Variants in ZNF112 observed in about 807,000 individuals in gnomAD.
The protein encoded by ZNF112 is zinc finger protein 112 (Y14).
A neutral mutation model predicts 77.7 loss-of-function variants in ZNF112; 37 were observed. The observed-to-expected ratio is 0.48, with a 90% confidence interval of 0.37 to 0.63. The LOEUF is 0.63. ZNF112 is among the 20% of genes least tolerant of loss of function. The pLI is 0.00. For synonymous variants in ZNF112, 333 were observed against 363.6 expected, an observed-to-expected ratio of 0.92 and a Z score of 0.96; for missense variants, 950 against 1,077.4, an observed-to-expected ratio of 0.88 and a Z score of 1.66.
chr19:44,362,815 CG>C (rs1431736773), intron 1 of ZNF112, among the ~76,000 whole-genome samples: 1 of 152,070 alleles, frequency 6.6e-6, no homozygotes, highest in Non-Finnish European at 1.5e-5. Context: ...TCTCCCCTGC[CG>C]CATCAGTAAC....
rs779444932 is a variant in ZNF112, at chr19:44,328,553, T to A, written c.1604A>T (p.Asn535Ile). Reference sequence around the variant, plus strand: ...TCCTGTGTGGACTCTCTGATGAACATTCAGAACTGATCTATGATTGAAACC... The same window carrying A: ...TCCTGTGTGGACTCTCTGATGAACAATCAGAACTGATCTATGATTGAAACC... ...GKGFNHRSVL[N>I]VHQRVHTGEK... Residue 535 changes from asparagine (N) to isoleucine (I), a missense_variant, in exon 4 of 4, where the codon AAT (asparagine) becomes ATT (isoleucine). Asn to Ile is a moderately radical substitution (Grantham distance 149, BLOSUM62 -3). Transcript: ENST00000354340. The A allele has an allele frequency of 6.2e-7, 1 of 1,604,786 alleles. No individual in the cohort carries two copies. Among genetic ancestry groups the A allele is most frequent in the Non-Finnish European group, 8.5e-7 (1 of 1,173,828 alleles).
chr19:44,334,562 T>C (rs1356457990), intron 3 of ZNF112, among the ~76,000 whole-genome samples: 1 of 152,144 alleles, frequency 6.6e-6, no homozygotes, highest in Non-Finnish European at 1.5e-5. Flanking sequence ...ACCACAGGCC[T>C]GAAGGCCTAG....
At chr19:44,360,349 G>T (rs1970844034), upstream of ZNF112, among the ~76,000 whole-genome samples, 2 of 151,394 alleles carry the variant, frequency 1.3e-5, no homozygotes, top group South Asian at 4.2e-4. Context: ...ACAAAATGTT[G>T]CCAATGATAT....
chr19:44,365,169 G>T (rs1269212091), intron 1 of ZNF112, among the ~76,000 whole-genome samples: 1 of 151,884 alleles, frequency 6.6e-6, no homozygotes, highest in Non-Finnish European at 1.5e-5. Flanking sequence ...TATATATCAG[G>T]CCAGGCAGGT....
At chr19:44,351,999 C>T (rs919790601) in intron 1 of ZNF112, among the ~76,000 whole-genome samples, 1 of 152,006 alleles carries the variant, frequency 6.6e-6, no homozygotes, top group Non-Finnish European at 1.5e-5. Flanking sequence ...ATTCTACATA[C>T]TGCATTGATT....
At position 44,347,264 on chromosome 19, in the gene ZNF112, T is replaced by C. The variant is rs1970607520; in HGVS notation, c.-3-6722A>G. 2.0e-5 allele frequency among the ~76,000 whole-genome samples: 3 copies of C among 152,140 alleles called. No homozygotes were observed. The South Asian group carries it at 6.2e-4, about 31-fold the overall frequency. On this transcript the variant is annotated intron_variant, in intron 1 of 3. Transcript: ENST00000354340. ...CACTTTTTCACTTTCAAACTATTTA[T>C]GTCCTTGTATTTAAATGGAGTTATT...
chr19:44,366,986 T>C (rs1970910869), intron 1 of ZNF112: 1 of 452,202 alleles, frequency 2.2e-6, no homozygotes, highest in Non-Finnish European at 4.4e-6. Flanking sequence ...CAGAACTGCC[T>C]GGTCAGTCCT....
At chr19:44,366,038 A>C (rs1024698696) in intron 1 of ZNF112, among the ~76,000 whole-genome samples, 29 of 152,194 alleles carry the variant, frequency 1.9e-4, no homozygotes, top group Non-Finnish European at 3.7e-4. Flanking sequence ...TGTAGTGAAC[A>C]AAGAATAGTA....
chr19:44,329,998 A>AT, intron 3 of ZNF112, 62 bp from the exon 4 acceptor site: 1 of 1,314,044 alleles, frequency 7.6e-7, no homozygotes, highest in Non-Finnish European at 1.0e-6. Context: ...AGATTTGAAG[A>AT]TTTTACACTT....
At chr19:44,343,568 G>A (rs1181261935) in intron 1 of ZNF112, among the ~76,000 whole-genome samples, 1 of 152,160 alleles carries the variant, frequency 6.6e-6, no homozygotes, top group African/African-American at 2.4e-5. Flanking sequence ...TGGGAGAGGT[G>A]GGAAAGGAGA....
At position 44,356,658 on chromosome 19, in the gene ZNF112, G is replaced by C. The variant is rs1371216362; in HGVS notation, c.-36C>G. The C allele has an allele frequency of 6.6e-6, 1 of 152,346 alleles. No homozygotes were observed. The highest frequency in any genetic ancestry group is 2.4e-5 in the African/African-American group (1 of 41,456). The allele number at this position is 152,346 out of a possible 1,614,324, so 9.4% of individuals were successfully genotyped here. On this transcript the variant is annotated 5_prime_UTR_variant, in exon 1 of 4. Coordinates refer to ENST00000354340, the MANE Select transcript of ZNF112 (RefSeq NM_013380.4). ...GGAGGAACGAAGGCCGCGGCCTAGC[G>C]TACCTGGGGCGGAAGTGGCTCTGCC...
chr19:44,365,383 C>T (rs1038406442), intron 1 of ZNF112, among the ~76,000 whole-genome samples: 2 of 151,996 alleles, frequency 1.3e-5, no homozygotes, highest in Admixed American at 6.6e-5. Flanking sequence ...TCAACTGAAC[C>T]TGGGAGTTCG....
chr19:44,359,847 T>C (rs547147139), upstream of ZNF112, among the ~76,000 whole-genome samples: 1 of 152,206 alleles, frequency 6.6e-6, no homozygotes, highest in Non-Finnish European at 1.5e-5. Flanking sequence ...GAAGAAACCA[T>C]GTTCATCTCA....
chr19:44,349,656 C>T (rs531856958), intron 1 of ZNF112, among the ~76,000 whole-genome samples: 6 of 152,128 alleles, frequency 3.9e-5, no homozygotes, highest in African/African-American at 1.4e-4. Context: ...GAGGTAGCAA[C>T]TACAGTACAT....
At chr19:44,333,265 GTCTTCT>G (rs961877136) in intron 3 of ZNF112, among the ~76,000 whole-genome samples, 4 of 152,022 alleles carry the variant, frequency 2.6e-5, no homozygotes, top group African/African-American at 9.6e-5. Flanking sequence ...CTTTGTTTAT[GTCTTCT>G]TCTTCTTCTT....
intron 1 of ZNF112, among the ~76,000 whole-genome samples, chr19:44,341,905 C>G (rs920776043): frequency 6.6e-6 from 1 of 150,754 alleles, no homozygotes; most frequent in African/African-American, 2.5e-5. Flanking sequence ...GTTTGCTTTG[C>G]TTTTTTGTAA....
chr19:44,327,598 T>C lies in ZNF112; in HGVS notation c.2559A>G (p.Lys853=). ...QAHQRVHTGE[K]PYKCDACGKG... ...TACCACATGCATCACATTTGTATGG[T>C]TTCTCTCCTGTGTGGACTCTCTGGT... The change falls in exon 4 of 4, where the codon AAA becomes AAG. Residue 853 remains lysine, a synonymous_variant. Transcript: ENST00000354340. 2 of 1,614,070 alleles carry C rather than the reference T, an allele frequency of 1.2e-6. No homozygotes were observed. Among genetic ancestry groups the C allele is most frequent in the Non-Finnish European group, 1.7e-6 (2 of 1,179,958 alleles).
In ZNF112 at chr19:44,329,147, C is replaced by A. The variant is rs751406791; in HGVS notation, c.1010G>T (p.Cys337Phe). ...CGEYGENFNH[C>F]SPLNTYELIH... ...AAGTTCATAAGTGTTAAGAGGGGAA[C>A]AGTGATTGAAGTTCTCACCATATTC... The change falls in exon 4 of 4, where the codon TGT (cysteine) becomes TTT (phenylalanine). Residue 337 changes from cysteine to phenylalanine, a missense_variant. Physicochemically the swap from Cys to Phe is radical, Grantham distance 205 (BLOSUM62 -2). Transcript: ENST00000354340. 4.3e-6 allele frequency: 7 copies of A among 1,613,860 alleles called. No individual in the cohort carries two copies. Among genetic ancestry groups the A allele is most frequent in the Non-Finnish European group, 5.9e-6 (7 of 1,179,980 alleles).
chr19:44,334,572 G>A (rs9676368), intron 3 of ZNF112, among the ~76,000 whole-genome samples: 59,888 of 152,128 alleles, frequency 0.39, 13,878 homozygotes, highest in South Asian at 0.58. Flanking sequence ...TGAAGGCCTA[G>A]GAGGGAAAAA....
Sources: allele counts gnomAD v4.1 joint callset (sites outside exome capture counted in the v4.1 genomes callset), GRCh38; gene constraint gnomAD v4.1.1; transcripts MANE v1.5; gene names NCBI Gene and HGNC (gene_info 2026-07-23, HGNC 2026-07-21).